Variants in GADL1 observed in about 807,000 individuals in gnomAD.
GADL1 encodes GAD like acidic amino acid decarboxylase 1.
In GADL1, 71 loss-of-function variants were observed where a neutral mutation model predicts 69.5. The observed-to-expected ratio is 1.02, with a 90% confidence interval of 0.84 to 1.25. GADL1 has a LOEUF of 1.25. Among genes scored for constraint, GADL1 ranks in the 50% most tolerant of loss-of-function variants. GADL1 has a pLI of 0.00. For missense variants in GADL1, 737 were observed against 631.8 expected (o/e 1.17, Z -1.79); for synonymous variants, 254 against 214.4 (o/e 1.18, Z -1.62).
intron 14 of GADL1, among the ~76,000 whole-genome samples, chr3:30,739,214 G>A (rs750640100): frequency 1.3e-4 from 20 of 152,120 alleles, no homozygotes; most frequent in Non-Finnish European, 2.6e-4. Context: ...AAAAAGAAGG[G>A]AGCCCATGGC....
intron 1 of GADL1, among the ~76,000 whole-genome samples, chr3:30,870,490 C>G (rs1184614903): frequency 6.6e-6 from 1 of 151,658 alleles, no homozygotes; most frequent in African/African-American, 2.4e-5. Flanking sequence ...GGGAGCAGAT[C>G]AGGTAAGGTC....
At chr3:30,869,145 GA>G (rs1405830753) in intron 1 of GADL1, among the ~76,000 whole-genome samples, 1 of 151,752 alleles carries the variant, frequency 6.6e-6, no homozygotes, top group Non-Finnish European at 1.5e-5. Flanking sequence ...CCAGGGCAAA[GA>G]AAAATTGAGA....
chr3:30,830,522 C>T (rs146857939), intron 11 of GADL1, among the ~76,000 whole-genome samples: 1 of 151,976 alleles, frequency 6.6e-6, no homozygotes, highest in East Asian at 2.0e-4. Context: ...GGTCTTCCCA[C>T]CATCTCCCTG....
In GADL1 at chr3:30,870,857, G is replaced by A. The variant is rs146014913; in HGVS notation, c.38-9092C>T. Among the ~76,000 whole-genome samples, 27 of 151,862 alleles carry A rather than the reference G, an allele frequency of 1.8e-4. 1 individual carries two copies. Among genetic ancestry groups the A allele is most frequent in the African/African-American group, 6.3e-4 (26 of 41,356 alleles). On this transcript the variant is annotated intron_variant, in intron 1 of 14. Coordinates refer to ENST00000282538, the MANE Select transcript of GADL1 (RefSeq NM_207359.3). ...AGACCCGAGCAATGAGACAGATGGT[G>A]ACTAGTGAACCCTCTATACTGATCT...
At chr3:30,786,175 C>A (rs1696784606) in intron 13 of GADL1, among the ~76,000 whole-genome samples, 180 bp downstream of exon 13, 1 of 152,006 alleles carries the variant, frequency 6.6e-6, no homozygotes, top group Admixed American at 6.6e-5. Context: ...TTCTGTGAAT[C>A]CAACAAAGGA....
At chr3:30,824,888 C>CT (rs1697657855) in intron 11 of GADL1, among the ~76,000 whole-genome samples, 1 of 151,780 alleles carries the variant, frequency 6.6e-6, no homozygotes, top group African/African-American at 2.4e-5. Context: ...ATAAATCAAG[C>CT]TGTTCATTTA....
In GADL1 at chr3:30,826,983, G is replaced by A. The variant is rs556073906; in HGVS notation, c.1050+6870C>T. 4.0e-5 allele frequency among the ~76,000 whole-genome samples: 6 copies of A among 151,896 alleles called. No individual in the cohort carries two copies. In the South Asian group the frequency reaches 1.2e-3, roughly 32 times the overall value. On this transcript the variant is annotated intron_variant, in intron 11 of 14. Coordinates refer to ENST00000282538, the MANE Select transcript of GADL1 (RefSeq NM_207359.3). ...TGGCTACATCAAGCCATATGGATAA[G>A]ACAAACAATTTCCATACCCCTTCAA...
chr3:30,884,805 T>C (rs537691754), intron 1 of GADL1, among the ~76,000 whole-genome samples: 57 of 152,206 alleles, frequency 3.7e-4, no homozygotes, highest in African/African-American at 1.2e-3. Context: ...AAATATTTAT[T>C]GAGGGAGGAA....
chr3:30,857,940 C>A (rs1255627448), intron 2 of GADL1, among the ~76,000 whole-genome samples: 1 of 151,980 alleles, frequency 6.6e-6, no homozygotes, highest in Non-Finnish European at 1.5e-5. Context: ...ATCCTCATAA[C>A]TGAATCCCTC....
chr3:30,786,262 C>G lies in GADL1; in HGVS notation c.1302+93G>C, dbSNP rs988536708. 15 of 801,786 alleles carry G rather than the reference C, an allele frequency of 1.9e-5. No individual in the cohort carries two copies. The East Asian group carries it at 3.3e-4, about 18-fold the overall frequency. 49.7% of individuals were successfully genotyped at this position (801,786 alleles called of 1,614,324 possible). A position where few individuals can be genotyped will look rare whatever the true frequency, so the allele number is the denominator to read the frequency against. The stretch of plus-strand genomic sequence containing the variant: ...ATGACTTGTTTTTAACTCTGCAACA[C>G]AAAAACCAATGAAACATATAACAGA... On this transcript the variant is annotated intron_variant, in intron 13 of 14. Transcript: ENST00000282538.
At chr3:30,753,016 C>T (rs1037679483) in intron 14 of GADL1, among the ~76,000 whole-genome samples, 2 of 152,098 alleles carry the variant, frequency 1.3e-5, no homozygotes, top group Admixed American at 1.3e-4. Flanking sequence ...AAATAGATTC[C>T]TAAAGGAGAG....
At chr3:30,828,608 C>G (rs1258089165) in intron 11 of GADL1, among the ~76,000 whole-genome samples, 2 of 151,726 alleles carry the variant, frequency 1.3e-5, no homozygotes, top group African/African-American at 4.8e-5. Context: ...AATTGTGTGT[C>G]AATACACTGA....
chr3:30,776,555 T>A (rs73061073), intron 14 of GADL1, among the ~76,000 whole-genome samples: 8,985 of 152,270 alleles, frequency 0.059, 496 homozygotes, highest in South Asian at 0.2. Flanking sequence ...TCTCTCCACA[T>A]CTTTGCTCCC....
intron 13 of GADL1, among the ~76,000 whole-genome samples, chr3:30,779,229 G>C (rs1339034528): frequency 6.6e-6 from 1 of 152,200 alleles, no homozygotes; most frequent in Non-Finnish European, 1.5e-5. Context: ...TCACAAATTA[G>C]ACATATAGAA....
chr3:30,786,335 A>G lies in GADL1; in HGVS notation c.1302+20T>C. Reference sequence around the variant, plus strand: ...ACTGTTAACTGACAAAATCACAAGCACAATTATGCAATCACTTACTTCCAT... The same window carrying G: ...ACTGTTAACTGACAAAATCACAAGCGCAATTATGCAATCACTTACTTCCAT... On this transcript the variant is annotated intron_variant, in intron 13 of 14. Coordinates refer to ENST00000282538, the MANE Select transcript of GADL1 (RefSeq NM_207359.3). The G allele has an allele frequency of 1.3e-6, 2 of 1,497,224 alleles. No homozygotes were observed. The highest frequency in any genetic ancestry group is 1.9e-6 in the Non-Finnish European group (2 of 1,075,042). The allele number at this position is 1,497,224 out of a possible 1,614,324, so 92.7% of individuals were successfully genotyped here.
chr3:30,779,459 T>C (rs2125496597), intron 13 of GADL1, among the ~76,000 whole-genome samples: 1 of 152,332 alleles, frequency 6.6e-6, no homozygotes, highest in African/African-American at 2.4e-5. Flanking sequence ...AAAAGTAGTT[T>C]AAAATGAAAC....
intron 11 of GADL1, among the ~76,000 whole-genome samples, chr3:30,810,054 C>G (rs1352965521): frequency 6.6e-6 from 1 of 152,074 alleles, no homozygotes; most frequent in South Asian, 2.1e-4. Context: ...AACAGTCTGC[C>G]CTGTTCTCTT....
At chr3:30,781,617 G>A (rs375878228) in intron 13 of GADL1, among the ~76,000 whole-genome samples, 1 of 152,270 alleles carries the variant, frequency 6.6e-6, no homozygotes, top group African/African-American at 2.4e-5. Context: ...TAGCAAAAAA[G>A]CCTAAGTTTT....
chr3:30,861,410 T>A (rs1698319017), intron 2 of GADL1, among the ~76,000 whole-genome samples, 183 bp downstream of exon 2: 1 of 151,814 alleles, frequency 6.6e-6, no homozygotes, highest in South Asian at 2.1e-4. Context: ...GAGGCAACCC[T>A]TCAAGGACAG....
Sources: allele counts gnomAD v4.1 joint callset (sites outside exome capture counted in the v4.1 genomes callset), GRCh38; gene constraint gnomAD v4.1.1; transcripts MANE v1.5; gene names NCBI Gene and HGNC (gene_info 2026-07-23, HGNC 2026-07-21).